The following TRHDE variants were observed in gnomAD, a reference collection of about 807,000 sequenced individuals.
TRHDE encodes the protein thyrotropin-releasing hormone-degrading ectoenzyme.
Under a neutral mutation model 125.7 loss-of-function variants are expected in TRHDE, and 72 were observed. The ratio of observed to expected loss-of-function variants is 0.57; its 90% CI spans 0.47 to 0.70. The LOEUF (loss-of-function observed/expected upper bound fraction) is 0.70, where lower values mean the gene tolerates loss of function less well. Ranked by LOEUF, TRHDE falls within the 30% of genes least tolerant of loss-of-function variation. The pLI, the probability that TRHDE is intolerant of heterozygous loss-of-function variation, is 0.00. For missense variants in TRHDE, 1,110 were observed against 1,327.1 expected (o/e 0.84, Z 2.54); for synonymous variants, 509 against 509.1 (o/e 1.00, Z 0.00).
At chr12:72,446,150 C>CTTTTTT (rs34777250) in intron 3 of TRHDE, among the ~76,000 whole-genome samples, 1 of 133,290 alleles carries the variant, frequency 7.5e-6, no homozygotes, top group African/African-American at 2.8e-5. Flanking sequence ...TTGTGCATTT[C>CTTTTTT]TTTTTTTTTT....
At chr12:72,301,791 A>C (rs189759087) in intron 2 of TRHDE, among the ~76,000 whole-genome samples, 457 of 152,306 alleles carry the variant, frequency 3.0e-3, no homozygotes, top group Non-Finnish European at 4.7e-3. Context: ...TTGATGTCTC[A>C]CTAGTGAGCA....
intron 6 of TRHDE, among the ~76,000 whole-genome samples, chr12:72,518,722 T>C (rs1419203262): frequency 1.3e-5 from 2 of 152,162 alleles, no homozygotes; most frequent in Non-Finnish European, 2.9e-5. Context: ...CGTTAGTTGA[T>C]GCAGTTTCTT....
chr12:72,314,329 C>CT (rs1868695039), intron 2 of TRHDE, among the ~76,000 whole-genome samples: 1 of 150,356 alleles, frequency 6.7e-6, no homozygotes, highest in African/African-American at 2.5e-5. Flanking sequence ...TCCTCCCTCC[C>CT]TCCCTCCCTT....
intron 2 of TRHDE, among the ~76,000 whole-genome samples, chr12:72,259,197 A>G (rs1255076986): frequency 2.0e-5 from 3 of 151,938 alleles, no homozygotes; most frequent in Non-Finnish European, 4.4e-5. Flanking sequence ...TTTTCTTCCC[A>G]TTTATCTATT....
In TRHDE at chr12:72,663,635, A is replaced by T. The variant is rs1875004799; in HGVS notation, c.*440A>T. 1 of 152,830 alleles carries T rather than the reference A, an allele frequency of 6.5e-6. No individual in the cohort carries two copies. Among genetic ancestry groups the T allele is most frequent in the African/African-American group, 2.4e-5 (1 of 41,460 alleles). 9.5% of individuals were successfully genotyped at this position (152,830 alleles called of 1,614,324 possible). A position where few individuals can be genotyped will look rare whatever the true frequency, so the allele number is the denominator to read the frequency against. On this transcript the variant is annotated 3_prime_UTR_variant, in exon 19 of 19. Coordinates refer to ENST00000261180, the MANE Select transcript of TRHDE (RefSeq NM_013381.3). ...ATGTGTTACACCTAGGATGGGCATT[A>T]TGCAAAAGCACAAAGATTATATATG...
At chr12:72,225,166 G>A (rs1035838231) in intron 2 of TRHDE, among the ~76,000 whole-genome samples, 1 of 152,124 alleles carries the variant, frequency 6.6e-6, no homozygotes, top group African/African-American at 2.4e-5. Context: ...GTCAGGAAAT[G>A]TTCTCTAAAG....
At chr12:72,230,389 A>G (rs1174746255) in intron 2 of TRHDE, among the ~76,000 whole-genome samples, 1 of 152,192 alleles carries the variant, frequency 6.6e-6, no homozygotes, top group Non-Finnish European at 1.5e-5. Flanking sequence ...TGCATTGGCA[A>G]TAAGACATGA....
Position 72,272,824 on chromosome 12 carries a change from T to A in TRHDE, c.181T>A (p.Ser61Thr). The stretch of plus-strand genomic sequence containing the variant: ...GCTTCGGGCTGGCAGCAGGGGGCTC[T>A]CCGACCCGTGGGCAGACTCAGTGGG... ...AALRAGSRGL[S>T]DPWADSVGVR... The change falls in exon 1 of 19, where the codon TCC becomes ACC. Residue 61 changes from serine to threonine, a missense_variant. Physicochemically the swap from Ser to Thr is moderately conservative, Grantham distance 58. Transcript: ENST00000261180. This position sits in a 1 kb window ranked among gnomAD's most constrained non-coding sequence, Gnocchi z 6.7. 2 of 1,576,780 alleles carry A rather than the reference T, an allele frequency of 1.3e-6. No homozygotes were observed. The highest frequency in any genetic ancestry group is 1.7e-6 in the Non-Finnish European group (2 of 1,166,668).
intron 3 of TRHDE, among the ~76,000 whole-genome samples, chr12:72,397,427 CCTTTAAAAACACAAGTCACG>C (rs1447354857): frequency 6.6e-6 from 1 of 152,114 alleles, no homozygotes; most frequent in Non-Finnish European, 1.5e-5. Flanking sequence ...CAAGAGTAAA[CCTTTAAAAACACAAGTCACG>C]CTACATGAGT....
In TRHDE at chr12:72,412,206, T is replaced by C. The variant is rs191736751; in HGVS notation, c.1315+34085T>C. 9.9e-5 allele frequency among the ~76,000 whole-genome samples: 15 copies of C among 152,110 alleles called. No individual in the cohort carries two copies. In the East Asian group the frequency reaches 2.9e-3, roughly 29 times the overall value. ...ATTACTTGGGGAAATTTTTAAAAATTTATATAACCCAAATCAGCCAAACAG... is the reference window on the plus strand; with the variant it reads ...ATTACTTGGGGAAATTTTTAAAAATCTATATAACCCAAATCAGCCAAACAG... On this transcript the variant is annotated intron_variant, in intron 3 of 18. Transcript: ENST00000261180.
chr12:72,433,494 TC>T (rs1263881919), intron 3 of TRHDE, among the ~76,000 whole-genome samples: 2 of 151,958 alleles, frequency 1.3e-5, no homozygotes, highest in Non-Finnish European at 2.9e-5. Flanking sequence ...TTGGCTTGCC[TC>T]CCCGAGCATG....
intron 5 of TRHDE, among the ~76,000 whole-genome samples, chr12:72,498,590 G>C (rs1269082228): frequency 6.6e-6 from 1 of 152,056 alleles, no homozygotes; most frequent in Non-Finnish European, 1.5e-5. Context: ...TTCAATGAAG[G>C]CAGGAGGCCA....
chr12:72,258,799 G>A lies in TRHDE; in HGVS notation n.280-119196G>A, dbSNP rs1210908886. Among the ~76,000 whole-genome samples the A allele has an allele frequency of 3.3e-5, 5 of 152,082 alleles. No individual in the cohort carries two copies. In the East Asian group the frequency reaches 9.6e-4, roughly 29 times the overall value. ...TTTCATGGCCTTGACATTTTCCAAG[G>A]TCAGTTATTCAATAGAAGTTCTCCA... On this transcript the variant is annotated intron_variant and non_coding_transcript_variant, in intron 2 of 4. Coordinates refer to the TRHDE transcript ENST00000548156.
rs1877616911 is a variant in TRHDE, at chr12:72,204,085, A to G, written n.279+98333A>G. ...TTCAAGAATGTTAAATTACAGCCAG[A>G]TATCTTAGGATTTGCTGTGGGAGGG... On this transcript the variant is annotated intron_variant and non_coding_transcript_variant, in intron 2 of 4. Coordinates refer to the TRHDE transcript ENST00000548156. 2.0e-5 allele frequency among the ~76,000 whole-genome samples: 3 copies of G among 152,152 alleles called. No individual in the cohort carries two copies. In the South Asian group the frequency reaches 6.2e-4, roughly 31 times the overall value.
chr12:72,562,077 C>A, intron 7 of TRHDE, 88 bp from the exon 8 acceptor site: 1 of 585,776 alleles, frequency 1.7e-6, no homozygotes, highest in Non-Finnish European at 3.1e-6. Context: ...ATAATTCCAA[C>A]AAATGAAAAT....
chr12:72,617,415 CATTGA>C (rs1872865398), intron 12 of TRHDE, among the ~76,000 whole-genome samples: 2 of 152,112 alleles, frequency 1.3e-5, no homozygotes, highest in Non-Finnish European at 2.9e-5. Context: ...TTGCATATGA[CATTGA>C]ATTAAGACTA....
In TRHDE at chr12:72,664,841, G is replaced by A. The variant is rs1015389902; in HGVS notation, c.*1646G>A. The stretch of plus-strand genomic sequence containing the variant: ...TTAGTAGAAAAGAGGAGCTATTTCC[G>A]AATCTATAGAATAAAGTACCACCTA... On this transcript the variant is annotated 3_prime_UTR_variant, in exon 19 of 19. Coordinates refer to ENST00000261180, the MANE Select transcript of TRHDE (RefSeq NM_013381.3). 8.6e-5 allele frequency: 13 copies of A among 151,934 alleles called. No individual in the cohort carries two copies. The highest frequency in any genetic ancestry group is 1.9e-4 in the Non-Finnish European group (13 of 67,944). 9.4% of individuals were successfully genotyped at this position (151,934 alleles called of 1,614,324 possible).
intron 2 of TRHDE, among the ~76,000 whole-genome samples, chr12:72,204,013 G>A (rs1877615972): frequency 6.6e-6 from 1 of 152,046 alleles, no homozygotes; most frequent in Non-Finnish European, 1.5e-5. Context: ...AATCTTGTTT[G>A]GCACCTGATT....
chr12:72,317,348 A>G (rs1460129550), intron 2 of TRHDE, among the ~76,000 whole-genome samples: 2 of 152,202 alleles, frequency 1.3e-5, no homozygotes, highest in Non-Finnish European at 2.9e-5. Flanking sequence ...TAAAAATTGT[A>G]ATACAGATGT....
Sources: allele counts gnomAD v4.1 joint callset (sites outside exome capture counted in the v4.1 genomes callset), GRCh38; gene constraint gnomAD v4.1.1; non-coding constraint Gnocchi (gnomAD v3.1); transcripts MANE v1.5; gene names NCBI Gene and HGNC (gene_info 2026-07-23, HGNC 2026-07-21).